Variants in DPP10 observed in about 807,000 individuals in gnomAD.
The protein encoded by DPP10 is dipeptidyl peptidase like 10, also known as inactive dipeptidyl peptidase 10.
Under a neutral mutation model 120.9 loss-of-function variants are expected in DPP10, and 33 were observed. The observed-to-expected ratio is 0.27, with a 90% CI of 0.21 to 0.37. The LOEUF (loss-of-function observed/expected upper bound fraction) is 0.37. DPP10 is among the 10% of genes least tolerant of loss of function. The probability of loss-of-function intolerance (pLI) is 1.00; values close to 1 mark genes in which losing one functional copy is unlikely to be tolerated. For missense variants in DPP10, 816 were observed against 942.8 expected (o/e 0.87, Z 1.76); for synonymous variants, 337 against 326.1 (o/e 1.03, Z -0.36).
chr2:115,130,920 T>A (rs2104786707), intron 1 of DPP10: 1 of 152,368 alleles, frequency 6.6e-6, no homozygotes, highest in East Asian at 1.9e-4. Flanking sequence ...TCAGAATTTC[T>A]TCATTATTTC....
chr2:115,215,262 C>G (rs907226491), intron 1 of DPP10, among the ~76,000 whole-genome samples: 1 of 152,018 alleles, frequency 6.6e-6, no homozygotes, highest in Admixed American at 6.6e-5. Context: ...GAAGAAATAT[C>G]TTTGTTTGTT....
intron 1 of DPP10, among the ~76,000 whole-genome samples, chr2:115,270,186 A>AGATAG (rs2059639357): frequency 6.6e-6 from 1 of 152,014 alleles, no homozygotes; most frequent in Non-Finnish European, 1.5e-5. Context: ...TGTTCTGCCA[A>AGATAG]GATAGTCACT....
chr2:114,699,249 G>A (rs763518777), intron 1 of DPP10, among the ~76,000 whole-genome samples: 17 of 152,058 alleles, frequency 1.1e-4, no homozygotes, highest in Non-Finnish European at 1.0e-4. Context: ...ATATGTATGC[G>A]TTTGTATAAA....
At position 114,749,393 on chromosome 2, in the gene DPP10, A is replaced by T. The variant is rs114251805; in HGVS notation, c.60+306555A>T. Reference sequence around the variant, plus strand: ...TATAAAGACTCAACTTCCAGAACAGAATGGGTTGCTTTACTTCTATGTTTT... The same window carrying T: ...TATAAAGACTCAACTTCCAGAACAGTATGGGTTGCTTTACTTCTATGTTTT... On this transcript the variant is annotated intron_variant, in intron 1 of 25. Transcript: ENST00000410059. Among the ~76,000 whole-genome samples the T allele has an allele frequency of 8.7e-3, 1,327 of 152,130 alleles. 17 individuals are homozygous for T. The highest frequency in any genetic ancestry group is 0.013 in the Non-Finnish European group (898 of 67,984).
intron 5 of DPP10, among the ~76,000 whole-genome samples, chr2:115,592,885 G>T (rs1031459238): frequency 2.0e-5 from 3 of 152,186 alleles, no homozygotes; most frequent in African/African-American, 7.2e-5. Flanking sequence ...GGCCACTTCT[G>T]TTTGCTGGCA....
At chr2:114,805,627 A>T (rs1046770459) in intron 1 of DPP10, among the ~76,000 whole-genome samples, 10 of 152,136 alleles carry the variant, frequency 6.6e-5, no homozygotes, top group African/African-American at 2.4e-4. Context: ...AAAACCAAAA[A>T]AACTTTGTTT....
rs895152584 is a variant in DPP10, at chr2:114,824,929, G to A, written c.60+382091G>A. On this transcript the variant is annotated intron_variant, in intron 1 of 25. Coordinates refer to ENST00000410059, the MANE Select transcript of DPP10 (RefSeq NM_020868.6). ...TGCTCCAATAATAAGATGAAACCCTGGTAACCCTGGAGTGGCATCCTCTAG... is the reference window on the plus strand; with the variant it reads ...TGCTCCAATAATAAGATGAAACCCTAGTAACCCTGGAGTGGCATCCTCTAG... Among the ~76,000 whole-genome samples the A allele has an allele frequency of 1.1e-4, 17 of 152,286 alleles. No homozygotes were observed. In the East Asian group the frequency reaches 1.5e-3, roughly 14 times the overall value.
At position 114,947,693 on chromosome 2, in the gene DPP10, C is replaced by T. The variant is rs758186911; in HGVS notation, c.61-361546C>T. On this transcript the variant is annotated intron_variant, in intron 1 of 25. Transcript: ENST00000410059. ...CTGATAAAAGGCCTTTCAAAGAGGGCTTTAGTTAGATGACATTTCTGAGTC... is the reference window on the plus strand; with the variant it reads ...CTGATAAAAGGCCTTTCAAAGAGGGTTTTAGTTAGATGACATTTCTGAGTC... Among the ~76,000 whole-genome samples the T allele has an allele frequency of 4.6e-5, 7 of 151,834 alleles. No homozygotes were observed. The East Asian group carries it at 1.3e-3, about 29-fold the overall frequency.
intron 1 of DPP10, among the ~76,000 whole-genome samples, chr2:115,232,732 T>C (rs2057798204): frequency 1.3e-5 from 2 of 152,236 alleles, no homozygotes; most frequent in African/African-American, 2.4e-5. Flanking sequence ...TTGAATGAAG[T>C]CAATGAATAC....
At chr2:114,723,328 C>A (rs930387080) in intron 1 of DPP10, among the ~76,000 whole-genome samples, 1 of 152,120 alleles carries the variant, frequency 6.6e-6, no homozygotes, top group African/African-American at 2.4e-5. Flanking sequence ...TGAATAAGCA[C>A]TGTGGGATGT....
chr2:115,013,600 A>G (rs770369997), intron 1 of DPP10, among the ~76,000 whole-genome samples: 13 of 151,512 alleles, frequency 8.6e-5, no homozygotes, highest in Non-Finnish European at 1.8e-4. Flanking sequence ...CTCATGTGCA[A>G]AACACACATA....
intron 1 of DPP10, among the ~76,000 whole-genome samples, chr2:114,607,545 T>A (rs543900797): frequency 6.6e-6 from 1 of 152,268 alleles, no homozygotes; most frequent in East Asian, 1.9e-4. Context: ...TATTGCCCAT[T>A]TTCTTGTTCA....
rs562340760 is a variant in DPP10, at chr2:115,782,545, A to G, written c.1531+146A>G. ...AAGCTGCGTGTATACCATCAACTTGACCTTATGTATGTAAGAGAAACAGTA... is the reference window on the plus strand; with the variant it reads ...AAGCTGCGTGTATACCATCAACTTGGCCTTATGTATGTAAGAGAAACAGTA... On this transcript the variant is annotated intron_variant, in intron 17 of 25. Transcript: ENST00000410059. The G allele has an allele frequency of 6.0e-4, 414 of 690,678 alleles. 4 individuals carry two copies. In the South Asian group the frequency reaches 7.8e-3, roughly 13 times the overall value. 42.8% of individuals were successfully genotyped at this position (690,678 alleles called of 1,614,324 possible). A position where few individuals can be genotyped will look rare whatever the true frequency, so the allele number is the denominator to read the frequency against.
At chr2:114,930,210 C>T (rs1030184960) in intron 1 of DPP10, among the ~76,000 whole-genome samples, 2 of 152,204 alleles carry the variant, frequency 1.3e-5, no homozygotes, top group African/African-American at 4.8e-5. Context: ...AGTGGTTTTA[C>T]TGCAGTACCC....
intron 2 of DPP10, among the ~76,000 whole-genome samples, chr2:115,325,684 CATATAA>C (rs1328491513): frequency 3.3e-4 from 50 of 152,032 alleles, no homozygotes; most frequent in Non-Finnish European, 2.1e-4. Flanking sequence ...AAAACAATTA[CATATAA>C]ATATAAATAA....
At chr2:114,621,371 T>C (rs1384533222) in intron 1 of DPP10, among the ~76,000 whole-genome samples, 7 of 151,986 alleles carry the variant, frequency 4.6e-5, no homozygotes, top group Non-Finnish European at 1.0e-4. Context: ...TGTGCTAATA[T>C]GCCTTTTATC....
At chr2:115,501,263 GT>G (rs1248370482) in intron 4 of DPP10, among the ~76,000 whole-genome samples, 1 of 151,782 alleles carries the variant, frequency 6.6e-6, no homozygotes, top group Non-Finnish European at 1.5e-5. Flanking sequence ...TTATGTTTTG[GT>G]TTTCCATTAT....
chr2:114,517,448 A>T (rs746659252), intron 1 of DPP10, among the ~76,000 whole-genome samples: 119 of 151,816 alleles, frequency 7.8e-4, no homozygotes, highest in Admixed American at 1.7e-3. Context: ...TGAACCTGGG[A>T]GACGGAGGCT....
intron 11 of DPP10, among the ~76,000 whole-genome samples, chr2:115,759,755 A>C (rs1002572590): frequency 9.9e-5 from 15 of 152,178 alleles, no homozygotes; most frequent in African/African-American, 3.6e-4. Flanking sequence ...TCATGCCTGT[A>C]ATCCCAACAC....
Sources: allele counts gnomAD v4.1 joint callset (sites outside exome capture counted in the v4.1 genomes callset), GRCh38; gene constraint gnomAD v4.1.1; transcripts MANE v1.5; gene names NCBI Gene and HGNC (gene_info 2026-07-23, HGNC 2026-07-21).